Variants in REDIC1 observed in about 807,000 individuals in gnomAD.
REDIC1 encodes regulator of DNA class I crossover intermediates 1, also known as HEI10 Interacting Protein 1.
At chr12:39,727,867 A>ACATC in the REDIC1 span, among the ~76,000 whole-genome samples, 10 of 152,194 alleles carry the variant, frequency 6.6e-5, no homozygotes, top group African/African-American at 2.4e-4. Context: ...GAGATCCTTC[A>ACATC]CATCCCATGT....
chr12:39,691,950 A>G, the REDIC1 span: 1 of 1,111,106 alleles, frequency 9.0e-7, no homozygotes, highest in Non-Finnish European at 1.2e-6. Flanking sequence ...AATGTAAAAG[A>G]AAAGTACTAT....
the REDIC1 span, among the ~76,000 whole-genome samples, chr12:39,679,664 CA>C: frequency 4.6e-5 from 7 of 151,880 alleles, no homozygotes; most frequent in South Asian, 1.5e-3. Context: ...ATATGCACCC[CA>C]AAAACCCCAC....
At chr12:39,631,909 A>G in the REDIC1 span, among the ~76,000 whole-genome samples, 3 of 152,136 alleles carry the variant, frequency 2.0e-5, no homozygotes. Flanking sequence ...TGTTAGAGAC[A>G]TATGCAGTTT....
chr12:39,660,917 C>T, the REDIC1 span, among the ~76,000 whole-genome samples: 3 of 152,080 alleles, frequency 2.0e-5, no homozygotes, highest in African/African-American at 7.2e-5. Flanking sequence ...AGTACATGTG[C>T]TATTTGTCTT....
chr12:39,658,492 A>C, the REDIC1 span, among the ~76,000 whole-genome samples: 1 of 152,192 alleles, frequency 6.6e-6, no homozygotes, highest in Non-Finnish European at 1.5e-5. Flanking sequence ...CATTATCTTT[A>C]TGAATTAATT....
the REDIC1 span, chr12:39,683,178 T>C: frequency 1.3e-6 from 2 of 1,516,432 alleles, no homozygotes; most frequent in South Asian, 2.6e-5. Context: ...TACATATTCT[T>C]TTTTTCTTTC....
At chr12:39,864,960 C>A in the REDIC1 span, 69 of 1,326,992 alleles carry the variant, frequency 5.2e-5, no homozygotes, top group South Asian at 2.6e-4. Context: ...TAAAAACAAA[C>A]CAAAAAACAA....
chr12:39,861,821 A>G, the REDIC1 span, among the ~76,000 whole-genome samples: 1 of 152,076 alleles, frequency 6.6e-6, no homozygotes, highest in African/African-American at 2.4e-5. Flanking sequence ...ATCTGTCTTT[A>G]TCTTTGTGCA....
At chr12:39,713,536 A>T in the REDIC1 span, among the ~76,000 whole-genome samples, 1 of 149,568 alleles carries the variant, frequency 6.7e-6, no homozygotes, top group African/African-American at 2.4e-5. Context: ...GTGTACACGT[A>T]CATACGTATA....
chr12:39,670,336 G>T, the REDIC1 span, among the ~76,000 whole-genome samples: 1 of 152,116 alleles, frequency 6.6e-6, no homozygotes, highest in Admixed American at 6.6e-5. Flanking sequence ...GACTACAGGT[G>T]CATGCCACCA....
the REDIC1 span, among the ~76,000 whole-genome samples, chr12:39,851,626 G>T: frequency 6.6e-6 from 1 of 152,138 alleles, no homozygotes; most frequent in Non-Finnish European, 1.5e-5. Context: ...CAGTAACTGT[G>T]AAATATGCAA....
At chr12:39,656,861 G>GC in the REDIC1 span, among the ~76,000 whole-genome samples, 1 of 151,984 alleles carries the variant, frequency 6.6e-6, no homozygotes, top group Non-Finnish European at 1.5e-5. Flanking sequence ...ATAGAATAAG[G>GC]CTGTAAAGAA....
the REDIC1 span, chr12:39,864,652 C>A: frequency 2.1e-6 from 3 of 1,420,622 alleles, no homozygotes; most frequent in South Asian, 2.9e-5. Context: ...CTTACATAAG[C>A]CTGGATGCCC....
the REDIC1 span, among the ~76,000 whole-genome samples, chr12:39,852,813 T>G: frequency 6.6e-6 from 1 of 152,210 alleles, no homozygotes; most frequent in Non-Finnish European, 1.5e-5. Flanking sequence ...CGTCTTCATT[T>G]GCATAGCGGT....
the REDIC1 span, chr12:39,683,536 A>T: frequency 1.5e-6 from 2 of 1,363,312 alleles, no homozygotes; most frequent in Admixed American, 3.7e-5. Context: ...AGTATGATGC[A>T]TGATGAATGT....
the REDIC1 span, among the ~76,000 whole-genome samples, chr12:39,816,919 A>G: frequency 6.6e-6 from 1 of 152,240 alleles, no homozygotes; most frequent in East Asian, 1.9e-4. Context: ...TAGCTTTTTT[A>G]CATCCTATAC....
At chr12:39,643,837 C>T in the REDIC1 span, 1 of 1,565,576 alleles carries the variant, frequency 6.4e-7, no homozygotes, top group Non-Finnish European at 8.8e-7. Context: ...GTTTTATCTC[C>T]TGTCAAAAAT....
At chr12:39,631,460 A>AT in the REDIC1 span, among the ~76,000 whole-genome samples, 122 of 149,220 alleles carry the variant, frequency 8.2e-4, no homozygotes, top group African/African-American at 2.0e-3. Context: ...TTAATTGGTT[A>AT]TTTTTTTTTT....
At chr12:39,691,662 TTTTATTATTTAAAAAACCTGATAATA>T in the REDIC1 span, among the ~76,000 whole-genome samples, 1 of 152,140 alleles carries the variant, frequency 6.6e-6, no homozygotes, top group African/African-American at 2.4e-5. Context: ...CTCTAAGAGC[TTTTATTATTTAAAAAACCTGATAATA>T]AACGACTGAT....
Sources: allele counts gnomAD v4.1 joint callset (sites outside exome capture counted in the v4.1 genomes callset), GRCh38; gene constraint gnomAD v4.1.1; transcripts MANE v1.5; gene names NCBI Gene and HGNC (gene_info 2026-07-23, HGNC 2026-07-21).